The following CRB1 variants were observed in gnomAD, a reference collection of about 807,000 sequenced individuals.
CRB1 encodes crumbs cell polarity complex component 1.
In CRB1, 83 loss-of-function variants were observed where a neutral mutation model predicts 120.0. The ratio of observed to expected loss-of-function variants is 0.69; its 90% CI spans 0.58 to 0.83. The LOEUF is 0.83. Ranked by LOEUF, CRB1 falls within the 40% of genes least tolerant of loss-of-function variation. CRB1 has a pLI of 0.00. For missense variants in CRB1, 1,699 were observed against 1,687.6 expected, an observed-to-expected ratio of 1.01 and a Z score of -0.12; for synonymous variants, 625 against 612.5, an observed-to-expected ratio of 1.02 and a Z score of -0.30.
At chr1:197,422,060 C>T (rs1365939684) in intron 6 of CRB1, 104 bp downstream of exon 6, 2 of 1,025,446 alleles carry the variant, frequency 2.0e-6, no homozygotes, top group Non-Finnish European at 2.9e-6. Context: ...AACATAATGA[C>T]CCCACAAGAC....
chr1:197,289,615 G>C (rs1238707706), intron 1 of CRB1, among the ~76,000 whole-genome samples: 1 of 151,684 alleles, frequency 6.6e-6, no homozygotes, highest in Admixed American at 6.6e-5. Flanking sequence ...CATTCTCTCT[G>C]TTCTGTCTCA....
the CRB1 span, among the ~76,000 whole-genome samples, chr1:197,244,045 C>T: frequency 6.6e-6 from 1 of 152,194 alleles, no homozygotes; most frequent in Non-Finnish European, 1.5e-5. Flanking sequence ...TCCTCCATCC[C>T]TTTATTTTGA....
chr1:197,360,903 G>A (rs1383144121), intron 5 of CRB1, among the ~76,000 whole-genome samples: 3 of 152,134 alleles, frequency 2.0e-5, no homozygotes, highest in Admixed American at 6.6e-5. Context: ...AATTTTTATC[G>A]ATGCTCTTTT....
chr1:197,285,256 A>C (rs1655757144), intron 1 of CRB1, among the ~76,000 whole-genome samples: 1 of 151,946 alleles, frequency 6.6e-6, no homozygotes, highest in South Asian at 2.1e-4. Context: ...GATGGTAGCT[A>C]AACTATTTTT....
At chr1:197,264,468 C>T (rs1421424592), upstream of CRB1, among the ~76,000 whole-genome samples, 2 of 151,930 alleles carry the variant, frequency 1.3e-5, no homozygotes, top group Non-Finnish European at 2.9e-5. Flanking sequence ...ACAATGATTC[C>T]TTTTCTTTTG....
At chr1:197,394,435 T>C (rs551488681) in intron 5 of CRB1, among the ~76,000 whole-genome samples, 169 of 152,160 alleles carry the variant, frequency 1.1e-3, no homozygotes, top group African/African-American at 3.7e-3. Flanking sequence ...GCAAGTTATA[T>C]GTGGATTTTC....
intron 5 of CRB1, among the ~76,000 whole-genome samples, chr1:197,401,005 T>C (rs1039550211): frequency 2.0e-5 from 3 of 152,086 alleles, no homozygotes; most frequent in Non-Finnish European, 4.4e-5. Context: ...CACAGAGAAA[T>C]TGAAATTATA....
chr1:197,303,573 A>G (rs1303355662), intron 1 of CRB1, among the ~76,000 whole-genome samples: 3 of 151,864 alleles, frequency 2.0e-5, no homozygotes, highest in Admixed American at 1.3e-4. Context: ...CAACAAGTCT[A>G]TTAAGTGTCA....
At chr1:197,214,285 G>A in the CRB1 span, among the ~76,000 whole-genome samples, 10 of 152,234 alleles carry the variant, frequency 6.6e-5, no homozygotes, top group South Asian at 2.1e-4. Context: ...TTTGAACTGC[G>A]TGAGTCTACT....
chr1:197,330,736 T>C (rs552799003), intron 2 of CRB1, among the ~76,000 whole-genome samples: 1 of 152,338 alleles, frequency 6.6e-6, no homozygotes, highest in African/African-American at 2.4e-5. Context: ...AGTTGACACC[T>C]GTATTAAAGA....
intron 2 of CRB1, among the ~76,000 whole-genome samples, chr1:197,331,017 C>A (rs1571852498): frequency 6.6e-6 from 1 of 152,182 alleles, no homozygotes; most frequent in East Asian, 1.9e-4. Flanking sequence ...CCCGTCTCTA[C>A]TAAAAATACA....
intron 11 of CRB1, among the ~76,000 whole-genome samples, chr1:197,469,338 C>G (rs1442932490): frequency 1.3e-5 from 2 of 151,990 alleles, no homozygotes; most frequent in African/African-American, 4.8e-5. Context: ...TTCTGTGGGG[C>G]TGGATGGAGG....
At position 197,435,091 on chromosome 1, in the gene CRB1, T is replaced by C. The variant is rs780576185; in HGVS notation, c.3228T>C (p.Asp1076=). The C allele has an allele frequency of 4.2e-5, 68 of 1,613,964 alleles. 1 individual carries two copies. The East Asian group carries it at 1.4e-3, about 34-fold the overall frequency. Residue 1076 remains aspartate (D), a synonymous_variant, in exon 9 of 12, where the codon GAT becomes GAC. Transcript: ENST00000367400. ...CTGGAAGCCTCAACTTTTTGAAGGA[T>C]AATACAGATATTTATGTGGGAGACA... ...IATGSLNFLK[D]NTDIYVGDRA...
intron 5 of CRB1, among the ~76,000 whole-genome samples, chr1:197,378,366 G>A (rs1461493765): frequency 1.3e-5 from 2 of 152,078 alleles, no homozygotes; most frequent in East Asian, 1.9e-4. Context: ...ATTTTCCCAG[G>A]TGGCTATATT....
chr1:197,427,840 C>A lies in CRB1; in HGVS notation c.2515C>A (p.Gln839Lys). 6.2e-7 allele frequency: 1 copy of A among 1,614,000 alleles called. No individual in the cohort carries two copies. The highest frequency in any genetic ancestry group is 8.5e-7 in the Non-Finnish European group (1 of 1,179,976). ...VIYIGGLPDKQETELNGGFFK... is the reference protein window; with the variant it reads ...VIYIGGLPDKKETELNGGFFK... ...CTACATTGGTGGCCTACCTGACAAGCAAGAGACTGAACTTAATGGTGGATT... is the reference window on the plus strand; with the variant it reads ...CTACATTGGTGGCCTACCTGACAAGAAAGAGACTGAACTTAATGGTGGATT... Residue 839 changes from glutamine to lysine, a missense_variant, in exon 7 of 12, where the codon CAA (glutamine) becomes AAA (lysine). By Grantham distance (53) the Gln-to-Lys change is moderately conservative. Transcript: ENST00000367400.
chr1:197,429,040 CT>C (rs1416915862), intron 7 of CRB1: 7 of 1,494,932 alleles, frequency 4.7e-6, no homozygotes, highest in Non-Finnish European at 5.4e-6. Context: ...CCAAGTTTCA[CT>C]GTTTCGCTTC....
chr1:197,272,882 T>C lies in CRB1; in HGVS notation c.70+4400T>C, dbSNP rs561296901. Among the ~76,000 whole-genome samples, 126 of 152,090 alleles carry C rather than the reference T, an allele frequency of 8.3e-4. No homozygotes were observed. In the South Asian group the frequency reaches 0.013, roughly 16 times the overall value. ...AATTTTACAGTACAAAGAGTCAATC[T>C]AATTGCATGCAAATTTATAAAATCA... On this transcript the variant is annotated intron_variant, in intron 1 of 11. Coordinates refer to ENST00000367400, the MANE Select transcript of CRB1 (RefSeq NM_201253.3).
intron 1 of CRB1, among the ~76,000 whole-genome samples, chr1:197,271,490 G>GT (rs1325841218): frequency 6.6e-6 from 1 of 152,128 alleles, no homozygotes; most frequent in Non-Finnish European, 1.5e-5. Flanking sequence ...TCCTGAGCAG[G>GT]TAGACATTCT....
At chr1:197,355,083 C>A (rs1268828067) in intron 4 of CRB1, among the ~76,000 whole-genome samples, 1 of 151,978 alleles carries the variant, frequency 6.6e-6, no homozygotes, top group Non-Finnish European at 1.5e-5. Context: ...CATCCACAAA[C>A]CTTGAGCTAG....
Sources: allele counts gnomAD v4.1 joint callset (sites outside exome capture counted in the v4.1 genomes callset), GRCh38; gene constraint gnomAD v4.1.1; transcripts MANE v1.5; gene names NCBI Gene and HGNC (gene_info 2026-07-23, HGNC 2026-07-21).